Variants in CALM2 observed in about 807,000 individuals in gnomAD.
CALM2 encodes calmodulin-2.
In CALM2, 2 loss-of-function variants were observed where a neutral mutation model predicts 19.8. That is an observed-to-expected ratio of 0.10 (90% CI 0.04 to 0.32). The LOEUF (loss-of-function observed/expected upper bound fraction) is 0.32, where lower values mean the gene tolerates loss of function less well. CALM2 is among the 10% of genes least tolerant of loss of function. The pLI is 1.00. For synonymous variants in CALM2, 51 were observed against 52.1 expected, an observed-to-expected ratio of 0.98 and a Z score of 0.09; for missense variants, 38 against 178.7, an observed-to-expected ratio of 0.21 and a Z score of 4.49.
At chr2:47,175,547 T>C (rs1383117241) in intron 1 of CALM2, among the ~76,000 whole-genome samples, 4 of 152,184 alleles carry the variant, frequency 2.6e-5, no homozygotes, top group Non-Finnish European at 5.9e-5. Context: ...GTAAGACTAA[T>C]TTCTTTCAAC....
chr2:47,168,431 A>G (rs1387820630), intron 2 of CALM2, among the ~76,000 whole-genome samples: 4 of 152,160 alleles, frequency 2.6e-5, no homozygotes, highest in Non-Finnish European at 5.9e-5. Context: ...GATGAACTAC[A>G]AGTATTCTTT....
At chr2:47,176,634 C>T (rs749314417), upstream of CALM2, 18 of 1,495,980 alleles carry the variant, frequency 1.2e-5, no homozygotes, top group South Asian at 2.6e-5. Flanking sequence ...AAACTCTTCT[C>T]GGGACCCCTT....
chr2:47,170,960 G>C (rs1202495214), intron 1 of CALM2, 196 bp from the exon 2 acceptor site: 1 of 563,010 alleles, frequency 1.8e-6, no homozygotes, highest in African/African-American at 1.9e-5. Flanking sequence ...CCAAGTTTAA[G>C]ATATACAAAT....
intron 2 of CALM2, among the ~76,000 whole-genome samples, chr2:47,168,148 A>G (rs910944582): frequency 1.3e-5 from 2 of 152,156 alleles, no homozygotes; most frequent in African/African-American, 2.4e-5. Context: ...CCTACAAAGT[A>G]GAACAAAAAG....
At chr2:47,172,551 G>T in intron 1 of CALM2, 1 of 1,006,610 alleles carries the variant, frequency 9.9e-7, no homozygotes, top group Non-Finnish European at 1.3e-6. Context: ...TTTCCACACC[G>T]AATGTAGACA....
At position 47,170,759 on chromosome 2, in the gene CALM2, G is replaced by A; in HGVS notation, c.9C>T (p.Asp3=). ...CTGCAATCTGCTCTTCAGTCAGTTGGTCAGCCTACAAAGAGATCAAAGAGG... is the reference window on the plus strand; with the variant it reads ...CTGCAATCTGCTCTTCAGTCAGTTGATCAGCCTACAAAGAGATCAAAGAGG... MA[D]QLTEEQIAEF... is the part of the protein sequence containing the mutation. The change falls in exon 2 of 6, where the codon GAC becomes GAT. Residue 3 remains aspartate, a synonymous_variant. Transcript: ENST00000272298. 1 of 1,612,988 alleles carries A rather than the reference G, an allele frequency of 6.2e-7. No homozygotes were observed. The highest frequency in any genetic ancestry group is 8.5e-7 in the Non-Finnish European group (1 of 1,178,972).
At chr2:47,162,467 T>A in intron 3 of CALM2, 52 bp downstream of exon 3, 1 of 1,611,762 alleles carries the variant, frequency 6.2e-7, no homozygotes, top group South Asian at 1.1e-5. Context: ...AGTGGAAACA[T>A]CTAAGTATCA....
chr2:47,172,813 G>A (rs1438364023), intron 1 of CALM2: 1 of 73,108 alleles, frequency 1.4e-5, no homozygotes, highest in Non-Finnish European at 2.8e-5. Flanking sequence ...GGGTTGGGGG[G>A]GGGGGGGGGG....
chr2:47,172,407 T>C (rs1278245658), intron 1 of CALM2: 1 of 660,992 alleles, frequency 1.5e-6, no homozygotes, highest in South Asian at 1.5e-5. Flanking sequence ...AGAATAACAA[T>C]ACTTACCTTG....
intron 2 of CALM2, chr2:47,167,799 A>ATTTTTTTTTTTTTTTTTTTTTTTTTTTTT (rs1277883594): frequency 4.5e-4 from 9 of 20,064 alleles, no homozygotes; most frequent in African/African-American, 1.6e-3. Flanking sequence ...AAAAAAAAAA[A>ATTTTTTTTTTTTTTTTTTTTTTTTTTTTT]TTTTTTTTTC....
chr2:47,163,438 G>T (rs72810427), intron 2 of CALM2: 22,819 of 147,546 alleles, frequency 0.15, 2,104 homozygotes, highest in Non-Finnish European at 0.2. Flanking sequence ...TCCTGCTGTT[G>T]TTTTTTTTTT....
chr2:47,175,098 T>C (rs1050833404), intron 1 of CALM2, among the ~76,000 whole-genome samples: 2 of 97,692 alleles, frequency 2.0e-5, no homozygotes, highest in Non-Finnish European at 3.7e-5. Flanking sequence ...TTTTTTTTTT[T>C]CAGGAAAGAA....
chr2:47,168,282 G>A (rs1035682482), intron 2 of CALM2, among the ~76,000 whole-genome samples: 2 of 152,124 alleles, frequency 1.3e-5, no homozygotes, highest in African/African-American at 4.8e-5. Flanking sequence ...CTAGGAAAAG[G>A]CAGGATAAGA....
At chr2:47,165,725 TG>T (rs1207300920) in intron 2 of CALM2, among the ~76,000 whole-genome samples, 1 of 152,174 alleles carries the variant, frequency 6.6e-6, no homozygotes, top group African/African-American at 2.4e-5. Flanking sequence ...GCTCAATAAA[TG>T]TCTTTATTTC....
Position 47,170,863 on chromosome 2 carries a change from TTTCA to T in CALM2, c.4-103_4-100del, listed in dbSNP as rs539381696. The T allele has an allele frequency of 8.8e-6, 8 of 905,654 alleles. No homozygotes were observed. In the Admixed American group the frequency reaches 1.0e-4, roughly 12 times the overall value. 56.1% of individuals were successfully genotyped at this position (905,654 alleles called of 1,614,324 possible). ...ACCTTTCAAGGGTTACCATGTACTG[TTTCA>T]TTTAGTTCCAGCAACAAACACATCT... On this transcript the variant is annotated intron_variant, in intron 1 of 5. Transcript: ENST00000272298.
intron 1 of CALM2, chr2:47,173,881 A>T (rs960830213): frequency 1.3e-5 from 2 of 152,250 alleles, no homozygotes; most frequent in African/African-American, 2.4e-5. Context: ...TCTGAAGAAT[A>T]GTACTTACAT....
At chr2:47,173,184 A>C (rs1666732696) in intron 1 of CALM2, 1 of 152,152 alleles carries the variant, frequency 6.6e-6, no homozygotes. Context: ...TAAATCAAGA[A>C]GACTTCCTAG....
chr2:47,174,387 G>C (rs1666776336), intron 1 of CALM2, among the ~76,000 whole-genome samples: 1 of 152,026 alleles, frequency 6.6e-6, no homozygotes. Flanking sequence ...TGACTAGCCA[G>C]GACTACACGC....
In CALM2 at chr2:47,160,773, T is replaced by C. The variant is rs1687130315; in HGVS notation, c.*3A>G. On this transcript the variant is annotated 3_prime_UTR_variant, in exon 6 of 6. Transcript: ENST00000272298. Reference sequence around the variant, plus strand: ...GAAATTTAACACATTCTGTACAAGGTCTTCACTTTGCTGTCATCATTTGTA... The same window carrying C: ...GAAATTTAACACATTCTGTACAAGGCCTTCACTTTGCTGTCATCATTTGTA... 6.7e-7 allele frequency: 1 copy of C among 1,496,760 alleles called. No homozygotes were observed. The highest frequency in any genetic ancestry group is 1.4e-5 in the African/African-American group (1 of 70,104). 92.7% of individuals were successfully genotyped at this position (1,496,760 alleles called of 1,614,324 possible).
Sources: allele counts gnomAD v4.1 joint callset (sites outside exome capture counted in the v4.1 genomes callset), GRCh38; gene constraint gnomAD v4.1.1; transcripts MANE v1.5; gene names NCBI Gene and HGNC (gene_info 2026-07-23, HGNC 2026-07-21).